Variants in NEAT1 observed in about 807,000 individuals in gnomAD.
NEAT1 encodes nuclear paraspeckle assembly transcript 1.
chr11:65,424,217 A>G (rs1856537180), exon 1 of NEAT1: 1 of 152,300 alleles, frequency 6.6e-6, no homozygotes, highest in African/African-American at 2.4e-5. Flanking sequence ...TAAAAAGTCC[A>G]CAGCAGATGC....
chr11:65,426,844 C>T (rs890651813), exon 1 of NEAT1: 1 of 152,032 alleles, frequency 6.6e-6, no homozygotes, highest in Non-Finnish European at 1.5e-5. Flanking sequence ...TAAAACATTA[C>T]CTGGTTAGAG....
At chr11:65,440,842 CAAAAAAAAAA>C (rs746947504) in exon 1 of NEAT1, 1 of 35,552 alleles carries the variant, frequency 2.8e-5, no homozygotes, top group East Asian at 7.4e-4. Context: ...GATTCCGTCT[CAAAAAAAAAA>C]AAAAAAAAAA....
At chr11:65,440,866 C>G (rs1185397847) in exon 1 of NEAT1, 1 of 147,102 alleles carries the variant, frequency 6.8e-6, no homozygotes, top group Non-Finnish European at 1.5e-5. Flanking sequence ...AAAAAAAAAC[C>G]AAGAAGAAAA....
exon 1 of NEAT1, chr11:65,436,995 T>TG (rs1856663327): frequency 6.6e-6 from 1 of 151,890 alleles, no homozygotes; most frequent in Admixed American, 6.6e-5. Context: ...CCCTTAAACT[T>TG]GGTTATTTGT....
exon 1 of NEAT1, chr11:65,427,519 G>C (rs755776537): frequency 6.6e-6 from 1 of 152,174 alleles, no homozygotes; most frequent in African/African-American, 2.4e-5. Context: ...ACCCCTCCAC[G>C]TGTACACTAC....
chr11:65,444,157 C>T, exon 1 of NEAT1: 1 of 276,998 alleles, frequency 3.6e-6, no homozygotes, highest in Non-Finnish European at 7.1e-6. Context: ...GGGGCTTGAG[C>T]AAAGTGGGGG....
At chr11:65,444,410 T>C in exon 1 of NEAT1, 2 of 470,242 alleles carry the variant, frequency 4.3e-6, no homozygotes, top group Non-Finnish European at 8.8e-6. Flanking sequence ...CACCCTGGCC[T>C]GACATGTGTG....
chr11:65,429,248 T>A (rs905550598), exon 1 of NEAT1: 2 of 152,186 alleles, frequency 1.3e-5, no homozygotes, highest in African/African-American at 4.8e-5. Flanking sequence ...ACTGTTAAAC[T>A]CTTAAGACTT....
exon 1 of NEAT1, chr11:65,426,424 G>A (rs1455058364): frequency 6.6e-6 from 1 of 152,138 alleles, no homozygotes; most frequent in Non-Finnish European, 1.5e-5. Flanking sequence ...GTACTGGTAT[G>A]TTGCTCTGTA....
At chr11:65,425,759 T>G (rs1237812265) in exon 1 of NEAT1, 2 of 152,164 alleles carry the variant, frequency 1.3e-5, no homozygotes. Context: ...ACACATCTGT[T>G]GTCTTTTCTG....
chr11:65,426,571 C>T (rs1483433405), exon 1 of NEAT1: 1 of 152,202 alleles, frequency 6.6e-6, no homozygotes, highest in African/African-American at 2.4e-5. Context: ...ACCCCTATCA[C>T]ATTGCCTTCA....
chr11:65,425,345 G>C (rs1447088093), exon 1 of NEAT1: 1 of 152,116 alleles, frequency 6.6e-6, no homozygotes, highest in Non-Finnish European at 1.5e-5. Context: ...ACAGGCAGGG[G>C]AAATGTCTTT....
At chr11:65,436,213 C>T (rs577029241) in exon 1 of NEAT1, 3 of 152,280 alleles carry the variant, frequency 2.0e-5, no homozygotes, top group Non-Finnish European at 2.9e-5. Context: ...GCATCTGCCT[C>T]GGTGGACTTA....
chr11:65,440,766 C>A (rs1444828969), exon 1 of NEAT1: 5 of 149,592 alleles, frequency 3.3e-5, no homozygotes, highest in Non-Finnish European at 5.9e-5. Context: ...AATCTCGAAC[C>A]CAGGAGGCGG....
At chr11:65,436,942 G>A (rs1005862773) in exon 1 of NEAT1, 4 of 152,038 alleles carry the variant, frequency 2.6e-5, no homozygotes, top group African/African-American at 9.7e-5. Flanking sequence ...CCTCAAGGAG[G>A]TTGGTCCCAT....
chr11:65,439,847 A>C (rs552892251), exon 1 of NEAT1: 3 of 152,324 alleles, frequency 2.0e-5, no homozygotes, highest in South Asian at 4.1e-4. Flanking sequence ...TCTTAATGTG[A>C]AATGATGAGA....
exon 1 of NEAT1, chr11:65,431,069 C>G (rs1332686063): frequency 6.6e-6 from 1 of 152,094 alleles, no homozygotes; most frequent in Non-Finnish European, 1.5e-5. Flanking sequence ...CCTCAGCAAC[C>G]CCATTCTACT....
At chr11:65,443,870 G>A (rs893806070) in exon 1 of NEAT1, 12 of 152,978 alleles carry the variant, frequency 7.8e-5, no homozygotes, top group African/African-American at 2.7e-4. Context: ...ACGTTTCCCC[G>A]CGTAGCTCGC....
chr11:65,437,225 A>AAACTAAAGAGCAAAATAT (rs1856668448), exon 1 of NEAT1: 8 of 143,120 alleles, frequency 5.6e-5, no homozygotes, highest in Non-Finnish European at 1.2e-4. Flanking sequence ...ATATATATAT[A>AAACTAAAGAGCAAAATAT]TACATATATA....
Sources: allele counts gnomAD v4.1 joint callset, GRCh38; gene constraint gnomAD v4.1.1; transcripts MANE v1.5; gene names NCBI Gene and HGNC (gene_info 2026-07-23, HGNC 2026-07-21).